SFMBT1: variants seen among roughly 807,000 people sequenced by gnomAD.
The protein encoded by SFMBT1 is Scm like with four mbt domains 1, also known as scm-like with four MBT domains protein 1.
In SFMBT1, 32 loss-of-function variants were observed where a neutral mutation model predicts 108.7. The observed-to-expected ratio is 0.29, with a 90% CI of 0.22 to 0.40. The LOEUF (loss-of-function observed/expected upper bound fraction) is 0.40, where lower values mean the gene tolerates loss of function less well. SFMBT1 is among the 10% of genes least tolerant of loss of function. SFMBT1 has a pLI of 1.00. For synonymous variants in SFMBT1, 348 were observed against 369.5 expected (o/e 0.94, Z 0.67); for missense variants, 816 against 1,059.6 (o/e 0.77, Z 3.19).
At chr3:52,931,150 G>T in intron 6 of SFMBT1, 115 bp from the exon 7 acceptor site, 2 of 880,788 alleles carry the variant, frequency 2.3e-6, no homozygotes, top group Non-Finnish European at 1.8e-6. Flanking sequence ...CTAGAAAAGG[G>T]TTCAAGCCCA....
intron 3 of SFMBT1, among the ~76,000 whole-genome samples, chr3:52,954,057 G>A (rs933277410): frequency 5.9e-5 from 9 of 152,072 alleles, no homozygotes; most frequent in East Asian, 1.9e-4. Context: ...CCCGGGAGGC[G>A]GAGCTTGCAG....
At chr3:52,961,171 C>T (rs1703948665) in intron 2 of SFMBT1, among the ~76,000 whole-genome samples, 1 of 152,000 alleles carries the variant, frequency 6.6e-6, no homozygotes, top group South Asian at 2.1e-4. Context: ...CATTGATAAA[C>T]AATGAAGACA....
intron 3 of SFMBT1, among the ~76,000 whole-genome samples, chr3:52,949,485 C>T (rs1457919020): frequency 6.7e-6 from 1 of 149,836 alleles, no homozygotes; most frequent in Non-Finnish European, 1.5e-5. Context: ...CGTATTTTTA[C>T]ATTCTGTTGT....
At chr3:52,946,245 G>A (rs79684136) in intron 3 of SFMBT1, among the ~76,000 whole-genome samples, 2,280 of 152,314 alleles carry the variant, frequency 0.015, 66 homozygotes, top group African/African-American at 0.052. Flanking sequence ...ATGAAGACAT[G>A]ACAAATAAAT....
chr3:53,002,876 GTGTTT>G (rs1312540006), intron 1 of SFMBT1, among the ~76,000 whole-genome samples: 1 of 150,134 alleles, frequency 6.7e-6, no homozygotes, highest in Non-Finnish European at 1.5e-5. Flanking sequence ...TAGTTATTGG[GTGTTT>G]TCCCCCGCTC....
intron 1 of SFMBT1, among the ~76,000 whole-genome samples, chr3:53,035,180 G>C (rs1403155137): frequency 2.0e-5 from 3 of 151,394 alleles, no homozygotes; most frequent in Admixed American, 6.6e-5. Flanking sequence ...GCCTTCCTGA[G>C]GAGTTTGGAC....
chr3:53,020,690 G>A (rs550664957), intron 1 of SFMBT1, among the ~76,000 whole-genome samples: 1 of 152,320 alleles, frequency 6.6e-6, no homozygotes, highest in African/African-American at 2.4e-5. Flanking sequence ...GGGAAACCAA[G>A]AACAGAGAAC....
At chr3:52,953,244 T>C (rs148813038) in intron 3 of SFMBT1, among the ~76,000 whole-genome samples, 15 of 152,258 alleles carry the variant, frequency 9.9e-5, no homozygotes, top group East Asian at 1.9e-4. Context: ...GGCAGGAAGA[T>C]TGTTTAAGCC....
At chr3:52,960,234 T>C (rs1024278491) in intron 2 of SFMBT1, among the ~76,000 whole-genome samples, 1 of 151,918 alleles carries the variant, frequency 6.6e-6, no homozygotes, top group African/African-American at 2.4e-5. Context: ...TGCATATTAA[T>C]ATAAGAGTGT....
chr3:52,912,102 C>G (rs746146823), intron 16 of SFMBT1, among the ~76,000 whole-genome samples: 2 of 152,190 alleles, frequency 1.3e-5, no homozygotes, highest in Non-Finnish European at 2.9e-5. Context: ...TGGGCCTTCA[C>G]CACAAATAGC....
intron 1 of SFMBT1, among the ~76,000 whole-genome samples, chr3:53,044,142 A>T (rs539009523): frequency 6.6e-6 from 1 of 152,118 alleles, no homozygotes; most frequent in African/African-American, 2.4e-5. Context: ...ATATAAAACC[A>T]TTCTGGATCT....
intron 1 of SFMBT1, among the ~76,000 whole-genome samples, chr3:52,992,087 C>A (rs1280935127): frequency 6.6e-6 from 1 of 152,232 alleles, no homozygotes; most frequent in African/African-American, 2.4e-5. Flanking sequence ...AAAGCCTGTC[C>A]TTAACCTGCT....
intron 1 of SFMBT1, among the ~76,000 whole-genome samples, chr3:53,023,482 T>C (rs1699381344): frequency 6.6e-6 from 1 of 152,236 alleles, no homozygotes; most frequent in Non-Finnish European, 1.5e-5. Context: ...TCAGTTTAAT[T>C]TGTTCTACAT....
At chr3:52,928,493 A>G (rs1343546397) in intron 8 of SFMBT1, 152 bp from the exon 9 acceptor site, 4 of 725,242 alleles carry the variant, frequency 5.5e-6, no homozygotes, top group South Asian at 4.1e-5. Context: ...TGTAATACAT[A>G]TAATTACTGT....
At chr3:53,006,356 C>A (rs1698739050) in intron 1 of SFMBT1, among the ~76,000 whole-genome samples, 1 of 152,126 alleles carries the variant, frequency 6.6e-6, no homozygotes, top group Non-Finnish European at 1.5e-5. Flanking sequence ...CCAGGCCTGG[C>A]GCGGTGGCTC....
At chr3:53,010,764 T>C (rs1023103097) in intron 1 of SFMBT1, among the ~76,000 whole-genome samples, 2 of 152,174 alleles carry the variant, frequency 1.3e-5, no homozygotes, top group African/African-American at 4.8e-5. Flanking sequence ...AATAAGGTAA[T>C]TTGCCCAAAG....
intron 4 of SFMBT1, among the ~76,000 whole-genome samples, chr3:52,940,806 T>C (rs1575388985): frequency 6.6e-6 from 1 of 152,172 alleles, no homozygotes; most frequent in Admixed American, 6.5e-5. Flanking sequence ...ATGAAAAAAC[T>C]TGGCATATAC....
intron 3 of SFMBT1, among the ~76,000 whole-genome samples, chr3:52,947,324 G>A (rs941082957): frequency 2.0e-5 from 3 of 150,528 alleles, no homozygotes; most frequent in South Asian, 2.1e-4. Flanking sequence ...TCACCGTGTT[G>A]GCCAGGATGG....
intron 1 of SFMBT1, among the ~76,000 whole-genome samples, chr3:53,014,957 T>C (rs1314557132): frequency 6.6e-6 from 1 of 152,198 alleles, no homozygotes; most frequent in Non-Finnish European, 1.5e-5. Flanking sequence ...CAGTGGCTCA[T>C]GCCTGTAATC....
Sources: gnomAD v4.1 joint callset for allele counts (sites outside exome capture counted in the v4.1 genomes callset) on GRCh38, gnomAD v4.1.1 for gene constraint, MANE v1.5 for transcripts, NCBI Gene and HGNC (gene_info 2026-07-23, HGNC 2026-07-21) for gene names.